The following NYAP2 variants were observed in gnomAD, a reference collection of about 807,000 sequenced individuals.
The protein encoded by NYAP2 is neuronal tyrosine-phosphorylated phosphoinositide-3-kinase adapter 2.
In NYAP2, 23 loss-of-function variants were observed where a neutral mutation model predicts 50.4. The ratio of observed to expected loss-of-function variants is 0.46; its 90% CI spans 0.33 to 0.65. NYAP2 has a LOEUF of 0.65. Ranked by LOEUF, NYAP2 falls within the 30% of genes least tolerant of loss-of-function variation. NYAP2 has a pLI of 0.02. For synonymous variants in NYAP2, 394 were observed against 365.2 expected (o/e 1.08, Z -0.90); for missense variants, 885 against 861.0 (o/e 1.03, Z -0.35).
intron 3 of NYAP2, among the ~76,000 whole-genome samples, chr2:225,421,772 A>T (rs75756073): frequency 0.018 from 2,743 of 152,274 alleles, 77 homozygotes; most frequent in African/African-American, 0.062. Flanking sequence ...TTTTCTCTAG[A>T]TTTTGCTGGG....
the NYAP2 span, among the ~76,000 whole-genome samples, chr2:225,677,040 A>G: frequency 6.6e-6 from 1 of 152,172 alleles, no homozygotes; most frequent in South Asian, 2.1e-4. Context: ...ACCCATGAGC[A>G]TGGAATAATT....
At chr2:225,589,513 T>TAAAA (rs1228115440) in intron 5 of NYAP2, among the ~76,000 whole-genome samples, 4 of 24,818 alleles carry the variant, frequency 1.6e-4, no homozygotes, top group Non-Finnish European at 2.7e-4. Flanking sequence ...CTACTAAAAG[T>TAAAA]AAAATATATA....
chr2:225,443,273 A>T (rs1451510802), intron 3 of NYAP2, among the ~76,000 whole-genome samples: 1 of 152,200 alleles, frequency 6.6e-6, no homozygotes, highest in Non-Finnish European at 1.5e-5. Flanking sequence ...CACCTATAAC[A>T]TTGAGGTAAT....
At chr2:225,655,909 C>CACACACACACACAT (rs1693815079), downstream of NYAP2, among the ~76,000 whole-genome samples, 1 of 146,220 alleles carries the variant, frequency 6.8e-6, no homozygotes. Context: ...CACACACACA[C>CACACACACACACAT]ACACACACAC....
intron 3 of NYAP2, among the ~76,000 whole-genome samples, chr2:225,446,274 A>G (rs1013746312): frequency 7.7e-6 from 1 of 130,150 alleles, no homozygotes; most frequent in Non-Finnish European, 1.6e-5. Context: ...ATATATATAT[A>G]TATATATGTG....
At chr2:225,425,350 T>A (rs898208846) in intron 3 of NYAP2, among the ~76,000 whole-genome samples, 2 of 152,320 alleles carry the variant, frequency 1.3e-5, no homozygotes, top group Non-Finnish European at 2.9e-5. Context: ...GATGTTTTGA[T>A]GGATTACACA....
the NYAP2 span, among the ~76,000 whole-genome samples, chr2:225,666,664 GA>G: frequency 6.6e-6 from 1 of 152,142 alleles, no homozygotes; most frequent in South Asian, 2.1e-4. Context: ...AGATTGTGGA[GA>G]CCAAGGTTCT....
intron 4 of NYAP2, among the ~76,000 whole-genome samples, chr2:225,564,283 GA>G (rs111656670): frequency 3.3e-5 from 5 of 150,812 alleles, no homozygotes; most frequent in Admixed American, 2.0e-4. Flanking sequence ...CAAATAATGT[GA>G]AAAAAAAGAG....
At chr2:225,703,439 TA>T in the NYAP2 span, 3 of 151,742 alleles carry the variant, frequency 2.0e-5, no homozygotes, top group Non-Finnish European at 1.5e-5. Context: ...ATATATATAA[TA>T]ATATAAACAC....
intron 5 of NYAP2, among the ~76,000 whole-genome samples, chr2:225,603,806 G>T (rs1176208082): frequency 6.6e-6 from 1 of 152,052 alleles, no homozygotes; most frequent in Non-Finnish European, 1.5e-5. Context: ...ATTGAAAATA[G>T]GCTCCTTCTT....
intron 4 of NYAP2, among the ~76,000 whole-genome samples, chr2:225,550,549 T>C (rs1041165110): frequency 6.6e-6 from 1 of 152,172 alleles, no homozygotes; most frequent in Non-Finnish European, 1.5e-5. Flanking sequence ...GCAAACATAA[T>C]TTTTTGAGAC....
intron 4 of NYAP2, among the ~76,000 whole-genome samples, chr2:225,552,776 T>C (rs1691700904): frequency 1.3e-5 from 2 of 152,186 alleles, no homozygotes; most frequent in Admixed American, 1.3e-4. Flanking sequence ...CAGCAACCTC[T>C]GCCTTGCAGA....
rs558021482 is a variant in NYAP2 at position 225,641,970 on chromosome 2, T to C, written c.1829-9462T>C. 4.1e-4 allele frequency among the ~76,000 whole-genome samples: 63 copies of C among 152,266 alleles called. 1 individual carries two copies. The highest frequency in any genetic ancestry group is 1.5e-3 in the African/African-American group (61 of 41,556). ...AGTGGGCTTATACTTTAAAATATTA[T>C]TTAGAATAATTCAATCAATAAATGC... On this transcript the variant is annotated intron_variant, in intron 6 of 6. Transcript: ENST00000636099.
At chr2:225,524,114 G>A (rs1047804297) in intron 4 of NYAP2, among the ~76,000 whole-genome samples, 2 of 152,154 alleles carry the variant, frequency 1.3e-5, no homozygotes, top group Admixed American at 6.6e-5. Flanking sequence ...ATGATCACAA[G>A]GTGAAGTCCC....
chr2:225,690,081 T>C, the NYAP2 span, among the ~76,000 whole-genome samples: 9 of 152,244 alleles, frequency 5.9e-5, no homozygotes, highest in African/African-American at 2.2e-4. Flanking sequence ...GTCATGTTCC[T>C]AGCCTTGAAT....
chr2:225,620,596 TAG>T (rs1693082531), intron 5 of NYAP2, among the ~76,000 whole-genome samples: 1 of 152,216 alleles, frequency 6.6e-6, no homozygotes, highest in Non-Finnish European at 1.5e-5. Flanking sequence ...GCTTTCTATT[TAG>T]GAGGCAGACA....
intron 3 of NYAP2, among the ~76,000 whole-genome samples, chr2:225,434,144 G>T (rs867730938): frequency 6.6e-6 from 1 of 152,178 alleles, no homozygotes; most frequent in Non-Finnish European, 1.5e-5. Context: ...GGTTGTCTGT[G>T]ATGTAAATGA....
intron 5 of NYAP2, among the ~76,000 whole-genome samples, chr2:225,588,725 C>T (rs924333176): frequency 8.5e-5 from 13 of 152,274 alleles, no homozygotes; most frequent in Non-Finnish European, 8.8e-5. Flanking sequence ...CTTGGTAACT[C>T]AGGGTCATTG....
chr2:225,547,771 T>G (rs1016624705), intron 4 of NYAP2, among the ~76,000 whole-genome samples: 1 of 152,194 alleles, frequency 6.6e-6, no homozygotes, highest in Non-Finnish European at 1.5e-5. Flanking sequence ...TAAAACCAGG[T>G]GCTATCATTG....
Sources: gnomAD v4.1 joint callset for allele counts (sites outside exome capture counted in the v4.1 genomes callset) on GRCh38, gnomAD v4.1.1 for gene constraint, MANE v1.5 for transcripts, NCBI Gene and HGNC (gene_info 2026-07-23, HGNC 2026-07-21) for gene names.